The following XPO6 variants were observed in gnomAD, a reference collection of about 807,000 sequenced individuals.
XPO6 encodes the protein exportin 6.
XPO6 carries 3 observed loss-of-function variants against 130.0 expected under a neutral mutation model. The ratio of observed to expected loss-of-function variants is 0.02; its 90% CI spans 0.01 to 0.06. The LOEUF is 0.06. Ranked by LOEUF, XPO6 falls within the 10% of genes least tolerant of loss-of-function variation. The pLI is 1.00. For synonymous variants in XPO6, 524 were observed against 548.9 expected, an observed-to-expected ratio of 0.95 and a Z score of 0.63; for missense variants, 970 against 1,393.0, an observed-to-expected ratio of 0.70 and a Z score of 4.83.
intron 1 of XPO6, among the ~76,000 whole-genome samples, chr16:28,203,075 A>T (rs866642578): frequency 6.6e-6 from 1 of 152,200 alleles, no homozygotes; most frequent in Non-Finnish European, 1.5e-5. Flanking sequence ...CAGCAGCTCA[A>T]GGCCAGCAGG....
At position 28,122,993 on chromosome 16, in the gene XPO6, T is replaced by C. The variant is rs909419572; in HGVS notation, c.1767-1231A>G. Among the ~76,000 whole-genome samples, 33 of 152,120 alleles carry C rather than the reference T, an allele frequency of 2.2e-4. 1 individual carries two copies. Among genetic ancestry groups the C allele is most frequent in the Non-Finnish European group, 2.9e-5 (2 of 68,042 alleles). On this transcript the variant is annotated intron_variant, in intron 13 of 23. Transcript: ENST00000304658. ...TTCAGAAGCAAGCTGTTGAGCCCAC[T>C]GGTTGCTCAAGGGCTCACTGGATAC...
chr16:28,141,958 C>T (rs2042902924), intron 9 of XPO6, among the ~76,000 whole-genome samples: 1 of 152,224 alleles, frequency 6.6e-6, no homozygotes, highest in South Asian at 2.1e-4. Flanking sequence ...TGCAGAGCTC[C>T]AATTTCCAAG....
At chr16:28,120,069 T>G (rs2087191323) in intron 14 of XPO6, among the ~76,000 whole-genome samples, 1 of 152,176 alleles carries the variant, frequency 6.6e-6, no homozygotes, top group Non-Finnish European at 1.5e-5. Context: ...GGACTTGAAC[T>G]CCTGACCTCA....
chr16:28,131,194 C>T (rs1245616379), intron 12 of XPO6, among the ~76,000 whole-genome samples: 1 of 152,202 alleles, frequency 6.6e-6, no homozygotes, highest in Non-Finnish European at 1.5e-5. Flanking sequence ...TCAGGGCCTA[C>T]ATTCGGGGCA....
chr16:28,197,062 G>A (rs1270956953), intron 1 of XPO6, among the ~76,000 whole-genome samples: 4 of 152,154 alleles, frequency 2.6e-5, no homozygotes, highest in Admixed American at 2.0e-4. Flanking sequence ...GACCAGCCTA[G>A]CCAAAATGGT....
At chr16:28,185,859 C>T (rs1384662538) in intron 1 of XPO6, among the ~76,000 whole-genome samples, 2 of 152,176 alleles carry the variant, frequency 1.3e-5, no homozygotes, top group East Asian at 3.8e-4. Context: ...AAGCTTGGCT[C>T]AGAATATACT....
In XPO6 at chr16:28,156,453, C is replaced by A; in HGVS notation, c.718G>T (p.Val240Leu). 2 of 1,612,152 alleles carry A rather than the reference C, an allele frequency of 1.2e-6. No individual in the cohort carries two copies. The highest frequency in any genetic ancestry group is 1.7e-6 in the Non-Finnish European group (2 of 1,178,470). ...LLNQPIPILDVESEYICSLAL... is the reference protein window; with the variant it reads ...LLNQPIPILDLESEYICSLAL... ...AGGGAACAGATATACTCACTCTCCA[C>A]ATCAAGGATGGGAATTGGCTGATTC... The change falls in exon 7 of 24, where the codon GTG (valine) becomes TTG (leucine). Residue 240 changes from valine (V) to leucine (L), a missense_variant. Coordinates refer to ENST00000304658, the MANE Select transcript of XPO6 (RefSeq NM_015171.4).
intron 6 of XPO6, 52 bp downstream of exon 6, chr16:28,166,456 G>T: frequency 6.5e-7 from 1 of 1,537,880 alleles, no homozygotes; most frequent in Admixed American, 2.0e-5. Flanking sequence ...ACCACACCTG[G>T]CCCCCAATAC....
chr16:28,121,872 C>T lies in XPO6; in HGVS notation c.1767-110G>A, dbSNP rs773273693. ...GCGTAAGGGCAGACTTTTTCATATA[C>T]AAAAAAGAATCAAGACCAGACTTTC... On this transcript the variant is annotated intron_variant, in intron 13 of 23. Coordinates refer to ENST00000304658, the MANE Select transcript of XPO6 (RefSeq NM_015171.4). 4 of 671,324 alleles carry T rather than the reference C, an allele frequency of 6.0e-6. No individual in the cohort carries two copies. The Admixed American group carries it at 1.0e-4, about 17-fold the overall frequency. 41.6% of individuals were successfully genotyped at this position (671,324 alleles called of 1,614,324 possible).
At chr16:28,170,158 T>C (rs2043426062) in intron 4 of XPO6, among the ~76,000 whole-genome samples, 1 of 151,494 alleles carries the variant, frequency 6.6e-6, no homozygotes, top group Non-Finnish European at 1.5e-5. Flanking sequence ...CATGGAGAAA[T>C]CCCGTCTCTA....
At chr16:28,116,169 G>A (rs2087048324) in intron 15 of XPO6, among the ~76,000 whole-genome samples, 2 of 152,200 alleles carry the variant, frequency 1.3e-5, no homozygotes, top group Admixed American at 1.3e-4. Flanking sequence ...TGGCTCAAGA[G>A]CCTTTGGCCA....
intron 23 of XPO6, among the ~76,000 whole-genome samples, chr16:28,099,338 C>T (rs1242447231): frequency 6.8e-6 from 1 of 147,264 alleles, no homozygotes; most frequent in Non-Finnish European, 1.5e-5. Flanking sequence ...ACAGGCCCAG[C>T]AAGCCCCAGC....
intron 15 of XPO6, among the ~76,000 whole-genome samples, chr16:28,115,851 T>C (rs1056520623): frequency 5.3e-5 from 8 of 152,258 alleles, no homozygotes; most frequent in Admixed American, 2.6e-4. Flanking sequence ...AGCTTCTCCA[T>C]CAGCACTTGC....
At chr16:28,204,174 AAG>A (rs2043991344) in intron 1 of XPO6, among the ~76,000 whole-genome samples, 1 of 152,180 alleles carries the variant, frequency 6.6e-6, no homozygotes, top group South Asian at 2.1e-4. Context: ...ACATGAACAA[AAG>A]AGAGATTCCC....
chr16:28,177,100 C>T (rs576365235), intron 3 of XPO6, 120 bp downstream of exon 3: 11 of 515,212 alleles, frequency 2.1e-5, no homozygotes, highest in East Asian at 7.2e-5. Context: ...GTATGTGGGA[C>T]GACATCCCAG....
At chr16:28,133,310 G>A (rs1270600837) in intron 11 of XPO6, among the ~76,000 whole-genome samples, 1 of 151,850 alleles carries the variant, frequency 6.6e-6, no homozygotes, top group African/African-American at 2.4e-5. Flanking sequence ...GCACACTCCG[G>A]CCTGGGAGAC....
intron 6 of XPO6, among the ~76,000 whole-genome samples, chr16:28,165,739 C>T (rs929672847): frequency 3.3e-5 from 5 of 152,188 alleles, no homozygotes; most frequent in African/African-American, 1.2e-4. Context: ...TTAGCCACAT[C>T]AACCTTTACA....
intron 1 of XPO6, among the ~76,000 whole-genome samples, chr16:28,197,627 T>A (rs1382813675): frequency 1.3e-5 from 2 of 151,982 alleles, no homozygotes; most frequent in African/African-American, 2.4e-5. Flanking sequence ...TTAAAAATAT[T>A]CAGACTAGGC....
chr16:28,199,227 G>A (rs1024655008), intron 1 of XPO6, among the ~76,000 whole-genome samples: 18 of 152,188 alleles, frequency 1.2e-4, no homozygotes, highest in African/African-American at 3.9e-4. Context: ...CACAGCCTCA[G>A]GAGGTCCTGA....
Sources: gnomAD v4.1 joint callset for allele counts (sites outside exome capture counted in the v4.1 genomes callset) on GRCh38, gnomAD v4.1.1 for gene constraint, MANE v1.5 for transcripts, NCBI Gene and HGNC (gene_info 2026-07-23, HGNC 2026-07-21) for gene names.